The following MAN1C1 variants were observed in gnomAD, a reference collection of about 807,000 sequenced individuals.
MAN1C1 encodes the protein mannosyl-oligosaccharide 1,2-alpha-mannosidase IC.
Under a neutral mutation model 71.5 loss-of-function variants are expected in MAN1C1, and 49 were observed. The ratio of observed to expected loss-of-function variants is 0.69; its 90% confidence interval spans 0.54 to 0.87. The LOEUF is 0.87. MAN1C1 is among the 40% of genes least tolerant of loss of function. The pLI is 0.00. For missense variants in MAN1C1, 743 were observed against 835.0 expected (o/e 0.89, Z 1.36); for synonymous variants, 352 against 343.7 (o/e 1.02, Z -0.27).
chr1:25,704,862 T>C (rs1169727620), intron 2 of MAN1C1, among the ~76,000 whole-genome samples: 1 of 152,266 alleles, frequency 6.6e-6, no homozygotes, highest in African/African-American at 2.4e-5. Flanking sequence ...TCCAGTTGGT[T>C]TCCGTGGGAC....
chr1:25,782,583 A>T lies in MAN1C1; in HGVS notation c.1651-2A>T. The T allele has an allele frequency of 6.2e-7, 1 of 1,609,800 alleles. No homozygotes were observed. ...TTTCCTCCTCCTCTTCCCCTTCCTC[A>T]GGCCTTGGAGAAATACTGTCGGACA... On this transcript the variant is annotated splice_acceptor_variant, in intron 10 of 11. Transcript: ENST00000374332. LOFTEE classifies it high-confidence loss of function. This position sits in a 1 kb window ranked among gnomAD's most constrained non-coding sequence, Gnocchi z 4.4.
intron 2 of MAN1C1, among the ~76,000 whole-genome samples, chr1:25,690,958 G>A (rs2046300158): frequency 6.6e-6 from 1 of 152,204 alleles, no homozygotes; most frequent in Non-Finnish European, 1.5e-5. Flanking sequence ...TTCCTCGCCT[G>A]TAAAAGGGTA....
At chr1:25,663,013 C>T (rs527312665) in intron 1 of MAN1C1, among the ~76,000 whole-genome samples, 5 of 151,656 alleles carry the variant, frequency 3.3e-5, no homozygotes, top group Non-Finnish European at 5.9e-5. Flanking sequence ...ATTGCTTGAA[C>T]CTGGGAGGCA....
At chr1:25,702,142 C>T (rs554743833) in intron 2 of MAN1C1, among the ~76,000 whole-genome samples, 6 of 152,270 alleles carry the variant, frequency 3.9e-5, no homozygotes, top group Admixed American at 2.0e-4. Flanking sequence ...CCCAAACACC[C>T]GAGAGGAGGC....
At chr1:25,692,224 G>T (rs1184296885) in intron 2 of MAN1C1, among the ~76,000 whole-genome samples, 1 of 152,182 alleles carries the variant, frequency 6.6e-6, no homozygotes, top group African/African-American at 2.4e-5. Flanking sequence ...TGTCAAAACA[G>T]AGCTCTGCCC....
intron 2 of MAN1C1, among the ~76,000 whole-genome samples, chr1:25,721,256 C>A (rs1267440389): frequency 6.6e-6 from 1 of 152,076 alleles, no homozygotes; most frequent in Non-Finnish European, 1.5e-5. Context: ...CAGAGTGCTG[C>A]GATTACAGGT....
intron 1 of MAN1C1, among the ~76,000 whole-genome samples, chr1:25,675,469 C>T (rs546349381): frequency 6.6e-6 from 1 of 151,280 alleles, no homozygotes; most frequent in South Asian, 2.1e-4. Context: ...GCCACATTTT[C>T]TTTATCCACT....
At chr1:25,624,580 A>G (rs940924157) in intron 1 of MAN1C1, among the ~76,000 whole-genome samples, 1 of 152,244 alleles carries the variant, frequency 6.6e-6, no homozygotes, top group Non-Finnish European at 1.5e-5. Context: ...CTTTTACAGA[A>G]GAAACTTTGC....
chr1:25,633,071 T>A (rs1473531277), intron 1 of MAN1C1, among the ~76,000 whole-genome samples: 1 of 152,162 alleles, frequency 6.6e-6, no homozygotes, highest in Admixed American at 6.5e-5. Context: ...TTTCACCATG[T>A]TGGCCAGGAT....
chr1:25,754,708 C>T (rs2047262397), intron 5 of MAN1C1, among the ~76,000 whole-genome samples: 1 of 152,132 alleles, frequency 6.6e-6, no homozygotes, highest in Non-Finnish European at 1.5e-5. Context: ...CTCTGGCTCC[C>T]CCTCCCCGGG....
In MAN1C1 at chr1:25,634,284, T is replaced by A. The variant is rs1006454037; in HGVS notation, c.540+15947T>A. 1.3e-5 allele frequency among the ~76,000 whole-genome samples: 2 copies of A among 152,242 alleles called. No individual in the cohort carries two copies. Among genetic ancestry groups the A allele is most frequent in the Non-Finnish European group, 2.9e-5 (2 of 68,050 alleles). The stretch of plus-strand genomic sequence containing the variant: ...AATGTTAAAAAGAAGTAGTGAGAAC[T>A]GACATCTTTGCCTTGTTCTTGATCT... On this transcript the variant is annotated intron_variant, in intron 1 of 11. Coordinates refer to ENST00000374332, the MANE Select transcript of MAN1C1 (RefSeq NM_020379.4). This position sits in a 1 kb window ranked among gnomAD's most constrained non-coding sequence, Gnocchi z 4.6.
intron 1 of MAN1C1, among the ~76,000 whole-genome samples, chr1:25,648,505 A>T (rs1424343765): frequency 2.0e-5 from 3 of 152,188 alleles, no homozygotes; most frequent in Non-Finnish European, 4.4e-5. Context: ...TCTCCTCCCC[A>T]GGCTCTGGTC....
chr1:25,761,973 G>A (rs2047366043), intron 6 of MAN1C1, among the ~76,000 whole-genome samples: 1 of 151,982 alleles, frequency 6.6e-6, no homozygotes, highest in Admixed American at 6.6e-5. Context: ...ACTTATAAGT[G>A]AGATCAAGTA....
chr1:25,752,316 G>A (rs1195019943), intron 4 of MAN1C1, among the ~76,000 whole-genome samples: 1 of 152,040 alleles, frequency 6.6e-6, no homozygotes, highest in Admixed American at 6.6e-5. Context: ...CACTGTCCCC[G>A]CTCCTCCACC....
At chr1:25,692,570 C>T (rs1448110171) in intron 2 of MAN1C1, among the ~76,000 whole-genome samples, 1 of 152,188 alleles carries the variant, frequency 6.6e-6, no homozygotes, top group Non-Finnish European at 1.5e-5. Flanking sequence ...AATTACCCAT[C>T]TTATCCCCAT....
chr1:25,657,921 G>A (rs1460852112), intron 1 of MAN1C1, among the ~76,000 whole-genome samples: 3 of 152,188 alleles, frequency 2.0e-5, no homozygotes, highest in Non-Finnish European at 4.4e-5. Context: ...ATGGAAGGAA[G>A]TGGATGGACA....
At chr1:25,684,434 GC>G (rs1289427874) in intron 1 of MAN1C1, among the ~76,000 whole-genome samples, 24 of 152,372 alleles carry the variant, frequency 1.6e-4, no homozygotes, top group Non-Finnish European at 2.9e-5. Context: ...GTCTGGCCAA[GC>G]CTGGGGGGGT....
chr1:25,694,771 T>G (rs756223057), intron 2 of MAN1C1, among the ~76,000 whole-genome samples: 1 of 152,240 alleles, frequency 6.6e-6, no homozygotes, highest in Non-Finnish European at 1.5e-5. Context: ...ATAGATAGTT[T>G]GTGAAAACCA....
intron 1 of MAN1C1, among the ~76,000 whole-genome samples, chr1:25,637,165 T>C (rs554275263): frequency 1.4e-5 from 2 of 145,922 alleles, no homozygotes; most frequent in Non-Finnish European, 3.0e-5. Flanking sequence ...AAAAAAAAAA[T>C]TAAATTAAAA....
Sources: gnomAD v4.1 joint callset for allele counts (sites outside exome capture counted in the v4.1 genomes callset) on GRCh38, gnomAD v4.1.1 for gene constraint, Gnocchi (gnomAD v3.1) non-coding constraint, MANE v1.5 for transcripts, NCBI Gene and HGNC (gene_info 2026-07-23, HGNC 2026-07-21) for gene names.